PPP2R2A: variants seen among roughly 807,000 people sequenced by gnomAD.
The protein encoded by PPP2R2A is serine/threonine-protein phosphatase 2A 55 kDa regulatory subunit B alpha isoform.
In PPP2R2A, 9 loss-of-function variants were observed where a neutral mutation model predicts 53.2. The ratio of observed to expected loss-of-function variants is 0.17; its 90% confidence interval spans 0.10 to 0.30. The LOEUF is 0.30. Ranked by LOEUF, PPP2R2A falls within the 10% of genes least tolerant of loss-of-function variation. The pLI is 1.00. For missense variants in PPP2R2A, 235 were observed against 534.6 expected (o/e 0.44, Z 5.53); for synonymous variants, 169 against 174.2 (o/e 0.97, Z 0.23).
intron 1 of PPP2R2A, 122 bp from the exon 2 acceptor site, chr8:26,293,544 T>A: frequency 1.1e-6 from 1 of 892,372 alleles, no homozygotes; most frequent in South Asian, 1.8e-5. Context: ...CTCTTGGTGG[T>A]AGTTGTATGT....
At chr8:26,313,692 G>C (rs1350378947) in intron 2 of PPP2R2A, among the ~76,000 whole-genome samples, 1 of 152,164 alleles carries the variant, frequency 6.6e-6, no homozygotes, top group African/African-American at 2.4e-5. Context: ...AGGGAGGCAA[G>C]AAAATCAAAG....
In PPP2R2A at chr8:26,342,736, T is replaced by C. The variant is rs538403566; in HGVS notation, c.180+3749T>C. ...TAACTTTCTTGGATTTCATACCCTC[T>C]GGCTTTTTTTATTCTTAATGTGGTA... is the stretch of plus-strand genomic sequence containing the variant. On this transcript the variant is annotated intron_variant, in intron 3 of 9. Transcript: ENST00000380737. Among the ~76,000 whole-genome samples the C allele has an allele frequency of 1.7e-3, 265 of 152,352 alleles. 1 individual carries two copies. Among genetic ancestry groups the C allele is most frequent in the African/African-American group, 5.9e-3 (247 of 41,586 alleles).
chr8:26,315,948 G>A (rs1802533918), intron 2 of PPP2R2A, among the ~76,000 whole-genome samples: 1 of 152,106 alleles, frequency 6.6e-6, no homozygotes, highest in Admixed American at 6.5e-5. Flanking sequence ...TAGAAAAGGG[G>A]AATTCACAGA....
chr8:26,335,967 A>G (rs1026206559), intron 2 of PPP2R2A, among the ~76,000 whole-genome samples: 3 of 152,208 alleles, frequency 2.0e-5, no homozygotes, highest in Non-Finnish European at 4.4e-5. Context: ...GCATCTTGCA[A>G]TCAAGTCTTT....
intron 2 of PPP2R2A, among the ~76,000 whole-genome samples, chr8:26,316,208 A>G (rs1802548821): frequency 1.3e-5 from 2 of 152,086 alleles, no homozygotes; most frequent in Admixed American, 6.5e-5. Flanking sequence ...GGGTTTCACC[A>G]TGTTGGCCAA....
rs1261923568 is a variant in PPP2R2A at position 26,370,109 on chromosome 8, C to T, written c.1065-25C>T. ...ACAATTTCTTGTTCTGCTTGTTTGA[C>T]TGAGTGTACTGTCTATTTTCACAGT... On this transcript the variant is annotated intron_variant, in intron 9 of 9. Coordinates refer to ENST00000380737, the MANE Select transcript of PPP2R2A (RefSeq NM_002717.4). The surrounding 1 kb of genome is among the most constrained non-coding windows in gnomAD (Gnocchi z 6.1). The T allele has an allele frequency of 1.3e-6, 2 of 1,590,174 alleles. No individual in the cohort carries two copies. Among genetic ancestry groups the T allele is most frequent in the South Asian group, 2.3e-5 (2 of 88,782 alleles).
chr8:26,334,830 A>G (rs1264452938), intron 2 of PPP2R2A, among the ~76,000 whole-genome samples: 1 of 152,244 alleles, frequency 6.6e-6, no homozygotes, highest in African/African-American at 2.4e-5. Context: ...GGTAGCCGCT[A>G]GCTACATATG....
intron 4 of PPP2R2A, among the ~76,000 whole-genome samples, chr8:26,359,340 A>G (rs184932359): frequency 6.6e-6 from 1 of 152,314 alleles, no homozygotes; most frequent in Non-Finnish European, 1.5e-5. Flanking sequence ...AAATCTCCAA[A>G]TGCAGTCTGT....
At position 26,293,655 on chromosome 8, in the gene PPP2R2A, TC is replaced by T. The variant is rs1801410241; in HGVS notation, c.8-10del. ...GAACTCGGTTTTAATTGGTATGTTT[TC>T]TTTTTCCAGGAGCTGGAGGAGGGAA... On this transcript the variant is annotated splice_polypyrimidine_tract_variant and intron_variant, in intron 1 of 9. Transcript: ENST00000380737. 6.2e-7 allele frequency: 1 copy of T among 1,608,718 alleles called. No individual in the cohort carries two copies. Among genetic ancestry groups the T allele is most frequent in the Non-Finnish European group, 8.5e-7 (1 of 1,178,192 alleles).
At chr8:26,355,952 A>T (rs1391795748) in intron 4 of PPP2R2A, among the ~76,000 whole-genome samples, 1 of 151,532 alleles carries the variant, frequency 6.6e-6, no homozygotes, top group Non-Finnish European at 1.5e-5. Context: ...CTTTGTTCTT[A>T]TGAAAAACTT....
chr8:26,341,625 A>T (rs1163422840), intron 3 of PPP2R2A, among the ~76,000 whole-genome samples: 2 of 152,212 alleles, frequency 1.3e-5, no homozygotes, highest in Non-Finnish European at 2.9e-5. Context: ...TCCAACTATT[A>T]TATGTTCATT....
Position 26,372,302 on chromosome 8 carries a change from C to T in PPP2R2A, c.*1889C>T, listed in dbSNP as rs1805692741. ...CGCTTGACTTGCAAGTGGGATATTCCCCTGCCACAAGTGTCAAACAGTGAT... is the reference window on the plus strand; with the variant it reads ...CGCTTGACTTGCAAGTGGGATATTCTCCTGCCACAAGTGTCAAACAGTGAT... On this transcript the variant is annotated 3_prime_UTR_variant, in exon 10 of 10. Transcript: ENST00000380737. 6.6e-6 allele frequency: 1 copy of T among 152,092 alleles called. No homozygotes were observed. Among genetic ancestry groups the T allele is most frequent in the East Asian group, 1.9e-4 (1 of 5,188 alleles). The allele number at this position is 152,092 out of a possible 1,614,324, so 9.4% of individuals were successfully genotyped here.
In PPP2R2A at chr8:26,338,780, A is replaced by G; in HGVS notation, c.83-110A>G. ...TCTGATGGGTGGTTGATGTACTTCA[A>G]AGATATACTTCATAGACTTGGAATG... is the stretch of plus-strand genomic sequence containing the variant. On this transcript the variant is annotated intron_variant, in intron 2 of 9. Transcript: ENST00000380737. This position sits in a 1 kb window ranked among gnomAD's most constrained non-coding sequence, Gnocchi z 4.5. The G allele has an allele frequency of 3.1e-6, 2 of 637,148 alleles. No homozygotes were observed. Among genetic ancestry groups the G allele is most frequent in the Non-Finnish European group, 5.3e-6 (2 of 374,612 alleles). 39.5% of individuals were successfully genotyped at this position (637,148 alleles called of 1,614,324 possible).
At chr8:26,329,005 A>AT (rs1803234160) in intron 2 of PPP2R2A, among the ~76,000 whole-genome samples, 2 of 152,104 alleles carry the variant, frequency 1.3e-5, no homozygotes, top group South Asian at 2.1e-4. Flanking sequence ...CTTACACTTT[A>AT]TTTTTTGTGA....
intron 2 of PPP2R2A, among the ~76,000 whole-genome samples, chr8:26,331,357 C>G (rs565498064): frequency 2.1e-4 from 32 of 152,318 alleles, no homozygotes; most frequent in Non-Finnish European, 3.1e-4. Context: ...GTTATCTTAA[C>G]TCCTTTGTGG....
intron 2 of PPP2R2A, among the ~76,000 whole-genome samples, chr8:26,329,669 T>G (rs1467454578): frequency 1.3e-5 from 2 of 152,202 alleles, no homozygotes; most frequent in Non-Finnish European, 2.9e-5. Context: ...TAGCTTAGAA[T>G]ATACTGCCAA....
At chr8:26,292,308 A>AG in intron 1 of PPP2R2A, 2 of 989,568 alleles carry the variant, frequency 2.0e-6, no homozygotes, top group Non-Finnish European at 1.2e-6. Flanking sequence ...GTTAAAATAC[A>AG]GTGGGGGCAT....
At chr8:26,348,484 T>A (rs567784390) in intron 3 of PPP2R2A, among the ~76,000 whole-genome samples, 37 of 152,350 alleles carry the variant, frequency 2.4e-4, no homozygotes, top group African/African-American at 8.2e-4. Flanking sequence ...AAAATTACTT[T>A]CAGGCTATAT....
At chr8:26,293,381 AATGTAAGGCTTTTACTGT>A (rs1801398014) in intron 1 of PPP2R2A, 1 of 1,033,818 alleles carries the variant, frequency 9.7e-7, no homozygotes, top group Admixed American at 2.2e-5. Flanking sequence ...GTCTTGCCTG[AATGTAAGGCTTTTACTGT>A]ATTTGACAGG....
Sources: gnomAD v4.1 joint callset for allele counts (sites outside exome capture counted in the v4.1 genomes callset) on GRCh38, gnomAD v4.1.1 for gene constraint, Gnocchi (gnomAD v3.1) non-coding constraint, MANE v1.5 for transcripts, NCBI Gene and HGNC (gene_info 2026-07-23, HGNC 2026-07-21) for gene names.